The following LRCH2 variants were observed in gnomAD, a reference collection of about 807,000 sequenced individuals.
LRCH2 encodes leucine-rich repeat and calponin homology domain-containing protein 2.
Under a neutral mutation model 68.9 loss-of-function variants are expected in LRCH2, and 38 were observed. The ratio of observed to expected loss-of-function variants is 0.55; its 90% confidence interval spans 0.43 to 0.72. The LOEUF is 0.72. Among genes scored for constraint, LRCH2 ranks in the 30% least tolerant of loss-of-function variants. The probability of loss-of-function intolerance (pLI) is 0.00; values close to 1 mark genes in which losing one functional copy is unlikely to be tolerated. For synonymous variants in LRCH2, 191 were observed against 208.1 expected (o/e 0.92, Z 0.71); for missense variants, 528 against 572.9 (o/e 0.92, Z 0.80).
chrX:115,226,274 T>A, intron 1 of LRCH2, among the ~76,000 whole-genome samples: 1 of 111,954 alleles, frequency 8.9e-6, no homozygotes, highest in Non-Finnish European at 1.9e-5. Context: ...GCAATTTAAT[T>A]TTAACTAATA....
intron 11 of LRCH2, among the ~76,000 whole-genome samples, chrX:115,162,495 C>T (rs1237660929): frequency 9.0e-6 from 1 of 111,258 alleles, no homozygotes; most frequent in Non-Finnish European, 1.9e-5. Context: ...AAAAGCAGAC[C>T]GAAAGTTACA....
intron 5 of LRCH2, among the ~76,000 whole-genome samples, 180 bp downstream of exon 5, chrX:115,179,247 C>A (rs951725619): frequency 8.9e-6 from 1 of 111,890 alleles, no homozygotes; most frequent in South Asian, 3.7e-4. Context: ...AAATGCTATC[C>A]TAGAGCCTAA....
intron 1 of LRCH2, among the ~76,000 whole-genome samples, chrX:115,207,684 C>A (rs2072978699): frequency 8.9e-6 from 1 of 112,040 alleles, no homozygotes; most frequent in Non-Finnish European, 1.9e-5. Context: ...TCACCTTTTC[C>A]ACATAAAAAA....
chrX:115,115,537 G>T (rs2072074585), intron 20 of LRCH2, among the ~76,000 whole-genome samples: 1 of 110,547 alleles, frequency 9.0e-6, no homozygotes, highest in Non-Finnish European at 1.9e-5. Flanking sequence ...CTCATACCAT[G>T]CACAAAACTG....
In LRCH2 at chrX:115,122,603, G is replaced by A; in HGVS notation, c.2102C>T (p.Pro701Leu). The change falls in exon 20 of 21, where the codon CCC becomes CTC. Residue 701 changes from proline to leucine, a missense_variant and splice_region_variant. By Grantham distance (98) the Pro-to-Leu change is moderately conservative. Coordinates refer to ENST00000317135, the MANE Select transcript of LRCH2 (RefSeq NM_020871.4). ...ASIHVPSPAV[P>L]KLSMAKCRRN... is the part of the protein sequence containing the mutation. ...TCGACATTTTGCCATGCTCAGTTTG[G>A]GCTGTAAAGTAAGAGGGAAAAAATG... 1 of 1,205,390 alleles carries A rather than the reference G, an allele frequency of 8.3e-7. No homozygotes were observed. The highest frequency in any genetic ancestry group is 3.0e-5 in the East Asian group (1 of 33,735).
chrX:115,221,192 AAAAAAAAAAAAAAAAAAAATATATATAT>A (rs1280652557), intron 1 of LRCH2, among the ~76,000 whole-genome samples: 4 of 66,287 alleles, frequency 6.0e-5, no homozygotes, highest in Admixed American at 2.0e-4. Flanking sequence ...AAAAAAAAAA[AAAAAAAAAAAAAAAAAAAATATATATAT>A]ATATATATAT....
chrX:115,137,465 C>A (rs1340838999), intron 14 of LRCH2, among the ~76,000 whole-genome samples: 1 of 107,611 alleles, frequency 9.3e-6, no homozygotes, highest in Non-Finnish European at 1.9e-5. Flanking sequence ...GAGGATCAGA[C>A]CCTAAGAGCA....
At chrX:115,113,571 T>C (rs1257935374) in intron 20 of LRCH2, among the ~76,000 whole-genome samples, 3 of 111,405 alleles carry the variant, frequency 2.7e-5, no homozygotes, top group East Asian at 2.8e-4. Context: ...CTTGTACCTC[T>C]TTCTCTACAA....
rs868969001 is a variant in LRCH2, at chrX:115,179,710, C to T, written c.663G>A (p.Met221Ile). Residue 221 changes from methionine (M) to isoleucine (I), a missense_variant, in exon 4 of 21, where the codon ATG (methionine) becomes ATA (isoleucine). Coordinates refer to ENST00000317135, the MANE Select transcript of LRCH2 (RefSeq NM_020871.4). ...GCTCTCTAAGTGAATGTAATTTTCCCATTTGTTGGGGAAGGACTTGAATCT... is the reference window on the plus strand; with the variant it reads ...GCTCTCTAAGTGAATGTAATTTTCCTATTTGTTGGGGAAGGACTTGAATCT... ...CNEIQVLPQQ[M>I]GKLHSLRELN... 1.5e-5 allele frequency: 17 copies of T among 1,161,931 alleles called. No homozygotes were observed. The highest frequency in any genetic ancestry group is 1.8e-5 in the Non-Finnish European group (16 of 873,147).
rs1309417912 is a variant in LRCH2, at chrX:115,152,923, C to G, written c.1530-2853G>C. Among the ~76,000 whole-genome samples the G allele has an allele frequency of 2.7e-5, 3 of 110,812 alleles. No individual in the cohort carries two copies. In the Admixed American group the frequency reaches 2.9e-4, roughly 11 times the overall value. On this transcript the variant is annotated intron_variant, in intron 12 of 20. Coordinates refer to ENST00000317135, the MANE Select transcript of LRCH2 (RefSeq NM_020871.4). ...AAGAATATTCTCATAGAAAACAGTA[C>G]AATCCAGAGGATGGTGGAGAAACCT...
chrX:115,186,047 A>G (rs1412127918), intron 2 of LRCH2, among the ~76,000 whole-genome samples: 1 of 112,330 alleles, frequency 8.9e-6, no homozygotes, highest in Non-Finnish European at 1.9e-5. Flanking sequence ...TTAAAAATCA[A>G]TTTATTTTCT....
intron 15 of LRCH2, among the ~76,000 whole-genome samples, chrX:115,129,039 A>C (rs999872669): frequency 1.2e-4 from 13 of 111,941 alleles, no homozygotes; most frequent in Admixed American, 9.6e-5. Context: ...CTTTTTAAAA[A>C]CTCAGTTTTG....
intron 14 of LRCH2, among the ~76,000 whole-genome samples, chrX:115,147,895 T>A (rs1027964284): frequency 9.1e-6 from 1 of 110,326 alleles, no homozygotes; most frequent in East Asian, 2.9e-4. Context: ...CTACAAAAAA[T>A]TTTAAAATTT....
intron 14 of LRCH2, among the ~76,000 whole-genome samples, chrX:115,141,015 G>A (rs1476830766): frequency 9.2e-6 from 1 of 108,574 alleles, no homozygotes; most frequent in African/African-American, 3.4e-5. Context: ...GGTGGATCAC[G>A]AGGTCAGGAG....
At chrX:115,201,854 C>T (rs1556566353) in intron 1 of LRCH2, among the ~76,000 whole-genome samples, 1 of 111,318 alleles carries the variant, frequency 9.0e-6, no homozygotes, top group Non-Finnish European at 1.9e-5. Flanking sequence ...TTCTAAATAC[C>T]AATAATGATC....
chrX:115,211,090 T>C (rs782141553), intron 1 of LRCH2, among the ~76,000 whole-genome samples: 4 of 111,932 alleles, frequency 3.6e-5, no homozygotes, highest in Non-Finnish European at 5.6e-5. Context: ...AATGCTGAAA[T>C]GAGTTAAGAC....
intron 1 of LRCH2, among the ~76,000 whole-genome samples, chrX:115,225,545 A>G (rs2073113013): frequency 8.9e-6 from 1 of 112,186 alleles, no homozygotes; most frequent in Non-Finnish European, 1.9e-5. Flanking sequence ...TATATTTTAC[A>G]TATTCTTAAA....
chrX:115,191,023 G>C, intron 1 of LRCH2: 1 of 1,161,294 alleles, frequency 8.6e-7, no homozygotes, highest in African/African-American at 1.8e-5. Context: ...CCGTTCACCC[G>C]ACACCCACAG....
At chrX:115,145,110 G>A (rs1556535593) in intron 14 of LRCH2, among the ~76,000 whole-genome samples, 1 of 111,430 alleles carries the variant, frequency 9.0e-6, no homozygotes, top group African/African-American at 3.3e-5. Context: ...ACAGACCAAT[G>A]GAACAGAACA....
Sources: gnomAD v4.1 joint callset for allele counts (sites outside exome capture counted in the v4.1 genomes callset) on GRCh38, gnomAD v4.1.1 for gene constraint, MANE v1.5 for transcripts, NCBI Gene and HGNC (gene_info 2026-07-23, HGNC 2026-07-21) for gene names.